The following PTPN5 variants were observed in gnomAD, a reference collection of about 807,000 sequenced individuals.
PTPN5 encodes tyrosine-protein phosphatase non-receptor type 5.
A neutral mutation model predicts 73.9 loss-of-function variants in PTPN5; 29 were observed. The ratio of observed to expected loss-of-function variants is 0.39; its 90% confidence interval spans 0.29 to 0.54. The LOEUF (loss-of-function observed/expected upper bound fraction) is 0.54. PTPN5 is among the 20% of genes least tolerant of loss of function. PTPN5 has a pLI of 0.65. For missense variants in PTPN5, 652 were observed against 751.4 expected, an observed-to-expected ratio of 0.87 and a Z score of 1.55; for synonymous variants, 267 against 304.7, an observed-to-expected ratio of 0.88 and a Z score of 1.29.
chr11:18,744,755 C>T (rs551602616), intron 3 of PTPN5, among the ~76,000 whole-genome samples: 1 of 152,252 alleles, frequency 6.6e-6, no homozygotes, highest in East Asian at 1.9e-4. Flanking sequence ...GGCGAAGTGC[C>T]GGAAAATCTT....
intron 2 of PTPN5, among the ~76,000 whole-genome samples, chr11:18,770,784 C>T (rs928021776): frequency 1.3e-5 from 2 of 152,220 alleles, no homozygotes; most frequent in Non-Finnish European, 2.9e-5. Context: ...CGTTGTGCAG[C>T]TACGCCACCA....
chr11:18,743,492 G>A, intron 4 of PTPN5, 63 bp from the exon 5 acceptor site: 1 of 1,438,346 alleles, frequency 7.0e-7, no homozygotes, highest in Admixed American at 1.7e-5. Context: ...TCCCCCAGCA[G>A]AGCTCACCTG....
chr11:18,767,506 T>C (rs1030068839), intron 2 of PTPN5, among the ~76,000 whole-genome samples: 6 of 152,208 alleles, frequency 3.9e-5, no homozygotes, highest in Non-Finnish European at 8.8e-5. Flanking sequence ...CTTGCCTAGA[T>C]TGCTGTGGCA....
At chr11:18,767,226 A>T (rs1404181515) in intron 2 of PTPN5, among the ~76,000 whole-genome samples, 1 of 152,162 alleles carries the variant, frequency 6.6e-6, no homozygotes, top group East Asian at 1.9e-4. Flanking sequence ...TTCAGGCCCA[A>T]TTCCAGATTT....
chr11:18,756,714 A>G (rs1172043484), intron 3 of PTPN5, among the ~76,000 whole-genome samples: 1 of 151,976 alleles, frequency 6.6e-6, no homozygotes, highest in Non-Finnish European at 1.5e-5. Flanking sequence ...TGAGGTCAGG[A>G]GATCGAGACC....
rs551372092 is a variant in PTPN5, at chr11:18,751,679, C to T, written c.98-7480G>A. 3.0e-4 allele frequency among the ~76,000 whole-genome samples: 46 copies of T among 152,208 alleles called. 1 individual carries two copies. The South Asian group carries it at 8.9e-3, about 30-fold the overall frequency. On this transcript the variant is annotated intron_variant, in intron 3 of 14. Transcript: ENST00000358540. Reference sequence around the variant, plus strand: ...ACACTCTCCAGGCAGGCAGGATGGGCGTGGGAAAAGGAATCAAATTTTGAC... The same window carrying T: ...ACACTCTCCAGGCAGGCAGGATGGGTGTGGGAAAAGGAATCAAATTTTGAC...
At chr11:18,750,751 T>C (rs1430750098) in intron 3 of PTPN5, among the ~76,000 whole-genome samples, 1 of 152,128 alleles carries the variant, frequency 6.6e-6, no homozygotes, top group Admixed American at 6.5e-5. Context: ...TAGTCACAAC[T>C]GTGCTGCAGG....
At chr11:18,759,862 C>A (rs1850312325) in intron 3 of PTPN5, among the ~76,000 whole-genome samples, 1 of 152,112 alleles carries the variant, frequency 6.6e-6, no homozygotes, top group Admixed American at 6.6e-5. Context: ...GCCCACAGAC[C>A]AGCTTAAACC....
At chr11:18,786,847 A>G (rs1235073157) in intron 1 of PTPN5, among the ~76,000 whole-genome samples, 1 of 152,046 alleles carries the variant, frequency 6.6e-6, no homozygotes. Context: ...CTCCCTCCCC[A>G]CTGCCTTCTC....
chr11:18,753,469 G>T lies in PTPN5; in HGVS notation c.98-9270C>A, dbSNP rs1271831660. 3.9e-5 allele frequency among the ~76,000 whole-genome samples: 6 copies of T among 152,116 alleles called. No homozygotes were observed. In the East Asian group the frequency reaches 7.7e-4, roughly 20 times the overall value. On this transcript the variant is annotated intron_variant, in intron 3 of 14. Coordinates refer to ENST00000358540, the MANE Select transcript of PTPN5 (RefSeq NM_006906.2). ...TAGTTTAATTCAATGGCTTCCCTTT[G>T]TTCTTAGGATAAAAACCAAAATCTT...
chr11:18,738,589 T>G (rs1187832726), intron 8 of PTPN5, among the ~76,000 whole-genome samples: 1 of 152,162 alleles, frequency 6.6e-6, no homozygotes, highest in African/African-American at 2.4e-5. Context: ...CTGTTCTCAG[T>G]CCTGCCTCTG....
intron 12 of PTPN5, among the ~76,000 whole-genome samples, chr11:18,731,799 C>A (rs551865461): frequency 2.4e-4 from 37 of 152,326 alleles, no homozygotes; most frequent in Admixed American, 5.2e-4. Flanking sequence ...TGCTCAGTAA[C>A]CCCTGTGGCT....
At chr11:18,791,949 G>C (rs774623048), upstream of PTPN5, 9 of 152,226 alleles carry the variant, frequency 5.9e-5, no homozygotes, top group Non-Finnish European at 2.9e-5. Flanking sequence ...AAGGGGGCCG[G>C]ATCACAGACC....
At chr11:18,749,860 G>A (rs770960657) in intron 3 of PTPN5, among the ~76,000 whole-genome samples, 2 of 152,184 alleles carry the variant, frequency 1.3e-5, no homozygotes, top group East Asian at 1.9e-4. Flanking sequence ...CCAGCCCACC[G>A]GAACTGGAGT....
chr11:18,766,012 G>C (rs78584610), intron 2 of PTPN5, 129 bp from the exon 3 acceptor site: 42 of 727,822 alleles, frequency 5.8e-5, no homozygotes, highest in Non-Finnish European at 8.9e-5. Flanking sequence ...CCATCAAAGG[G>C]ACCTGAGGAA....
intron 3 of PTPN5, chr11:18,749,333 G>C: frequency 1.9e-6 from 1 of 516,856 alleles, no homozygotes; most frequent in South Asian, 1.4e-5. Context: ...TCAAGGCTTA[G>C]AGAGGTTAAG....
intron 2 of PTPN5, among the ~76,000 whole-genome samples, chr11:18,768,367 G>A (rs989265676): frequency 6.6e-6 from 1 of 152,152 alleles, no homozygotes; most frequent in African/African-American, 2.4e-5. Flanking sequence ...AGTTGGTGGT[G>A]GCCACAGGGA....
intron 1 of PTPN5, among the ~76,000 whole-genome samples, chr11:18,785,667 C>A (rs572738641): frequency 2.0e-5 from 3 of 152,276 alleles, no homozygotes; most frequent in African/African-American, 7.2e-5. Flanking sequence ...CATTGAGGCC[C>A]ACAAATCCCT....
intron 1 of PTPN5, among the ~76,000 whole-genome samples, chr11:18,775,181 C>G (rs1295654629): frequency 1.3e-5 from 2 of 152,248 alleles, no homozygotes; most frequent in African/African-American, 2.4e-5. Flanking sequence ...CTAGTTATCA[C>G]AGAACTTCCC....
Sources: gnomAD v4.1 joint callset for allele counts (sites outside exome capture counted in the v4.1 genomes callset) on GRCh38, gnomAD v4.1.1 for gene constraint, MANE v1.5 for transcripts, NCBI Gene and HGNC (gene_info 2026-07-23, HGNC 2026-07-21) for gene names.